Variants in CCDC171 observed in about 807,000 individuals in gnomAD.
CCDC171 encodes the protein coiled-coil domain containing 171.
CCDC171 carries 177 observed loss-of-function variants against 168.2 expected under a neutral mutation model. The observed-to-expected ratio is 1.05, with a 90% CI of 0.93 to 1.19. CCDC171 has a LOEUF of 1.19. Ranked by LOEUF, CCDC171 falls within the 50% of genes most tolerant of loss-of-function variation. The probability of loss-of-function intolerance (pLI) is 0.00; values close to 1 mark genes in which losing one functional copy is unlikely to be tolerated. For missense variants in CCDC171, 1,991 were observed against 1,539.0 expected (o/e 1.29, Z -4.91); for synonymous variants, 687 against 540.8 (o/e 1.27, Z -3.75).
chr9:15,713,745 T>G (rs1344100672), intron 11 of CCDC171, among the ~76,000 whole-genome samples: 5 of 152,036 alleles, frequency 3.3e-5, no homozygotes, highest in African/African-American at 1.2e-4. Flanking sequence ...ACATCTTGAA[T>G]TTGAGTAGTT....
At chr9:15,852,923 T>C (rs115275654) in intron 23 of CCDC171, among the ~76,000 whole-genome samples, 2,027 of 151,800 alleles carry the variant, frequency 0.013, 54 homozygotes, top group African/African-American at 0.046. Flanking sequence ...TTCTGGACTC[T>C]CAATTCTGTT....
rs2053704881 is a variant in CCDC171 at position 15,724,985 on chromosome 9, T to C, written c.1692+9T>C. 1.2e-6 allele frequency: 2 copies of C among 1,602,164 alleles called. No homozygotes were observed. The highest frequency in any genetic ancestry group is 1.7e-6 in the Non-Finnish European group (2 of 1,169,366). On this transcript the variant is annotated intron_variant, in intron 14 of 25. Coordinates refer to ENST00000380701, the MANE Select transcript of CCDC171 (RefSeq NM_173550.4). ...TCCATAAGGATGCAGAGGTATTACC[T>C]GAGACTCAATGACTGTCAGGAAGGG... is the stretch of plus-strand genomic sequence containing the variant.
chr9:15,590,833 CTTCTTCTTTCTTTCTTTCTTTT>C (rs2041954808), intron 4 of CCDC171, among the ~76,000 whole-genome samples: 1 of 88,640 alleles, frequency 1.1e-5, no homozygotes, highest in African/African-American at 4.7e-5. Context: ...TTCTTTCTTT[CTTCTTCTTTCTTTCTTTCTTTT>C]TTCTTTCTTT....
chr9:15,742,141 A>G (rs747193464), intron 16 of CCDC171, among the ~76,000 whole-genome samples: 30 of 152,020 alleles, frequency 2.0e-4, no homozygotes, highest in Admixed American at 3.9e-4. Context: ...AACCTTTGTG[A>G]TGTCCATTTG....
chr9:16,070,719 T>C, the CCDC171 span, among the ~76,000 whole-genome samples: 3 of 152,210 alleles, frequency 2.0e-5, no homozygotes, highest in Non-Finnish European at 2.9e-5. Context: ...GCCTCTATTT[T>C]GGCCTTTGCA....
chr9:16,037,509 C>T (rs563729228), intron 8 of CCDC171, among the ~76,000 whole-genome samples: 6 of 152,068 alleles, frequency 3.9e-5, no homozygotes, highest in East Asian at 1.9e-4. Context: ...GAATACAGAG[C>T]GAGATCAGAT....
intron 21 of CCDC171, among the ~76,000 whole-genome samples, chr9:15,832,213 A>G (rs2060263806): frequency 6.6e-6 from 1 of 152,196 alleles, no homozygotes; most frequent in African/African-American, 2.4e-5. Context: ...GGACATTCAA[A>G]TGGTGAGATA....
intron 23 of CCDC171, among the ~76,000 whole-genome samples, chr9:15,854,025 G>T (rs1243019275): frequency 3.4e-5 from 5 of 147,824 alleles, no homozygotes; most frequent in African/African-American, 7.5e-5. Context: ...TTTTTTGAGG[G>T]TTATTGCATC....
chr9:15,635,151 C>T (rs1240715078), intron 7 of CCDC171, among the ~76,000 whole-genome samples: 1 of 152,098 alleles, frequency 6.6e-6, no homozygotes, highest in African/African-American at 2.4e-5. Flanking sequence ...TACACTATCA[C>T]AAGTTGAAGT....
intron 11 of CCDC171, among the ~76,000 whole-genome samples, chr9:15,704,762 G>C (rs1485286095): frequency 6.6e-6 from 1 of 152,118 alleles, no homozygotes; most frequent in African/African-American, 2.4e-5. Context: ...TGAAATTTCA[G>C]TAAGTCCAAG....
Position 15,601,622 on chromosome 9 carries a change from G to A in CCDC171, c.675+7450G>A, listed in dbSNP as rs79280449. On this transcript the variant is annotated intron_variant, in intron 6 of 25. Coordinates refer to ENST00000380701, the MANE Select transcript of CCDC171 (RefSeq NM_173550.4). ...TTTCTGTCCTCGAAGATATTTCAGC[G>A]CAGAGACATGTAAAGGGAGAAAATA... Among the ~76,000 whole-genome samples, 231 of 152,206 alleles carry A rather than the reference G, an allele frequency of 1.5e-3. 1 individual carries two copies. Among genetic ancestry groups the A allele is most frequent in the African/African-American group, 4.8e-3 (201 of 41,516 alleles).
chr9:15,661,358 A>T (rs1035372364), intron 8 of CCDC171, among the ~76,000 whole-genome samples: 1 of 152,090 alleles, frequency 6.6e-6, no homozygotes, highest in African/African-American at 2.4e-5. Flanking sequence ...TTCATGAAAA[A>T]AATGTAATTT....
intron 18 of CCDC171, among the ~76,000 whole-genome samples, chr9:15,759,254 A>T (rs1201594199): frequency 6.6e-6 from 1 of 152,176 alleles, no homozygotes; most frequent in African/African-American, 2.4e-5. Context: ...CAAGTACATA[A>T]CAAAGAACTT....
At chr9:15,700,067 G>A (rs1312301705) in intron 11 of CCDC171, among the ~76,000 whole-genome samples, 1 of 152,224 alleles carries the variant, frequency 6.6e-6, no homozygotes, top group Non-Finnish European at 1.5e-5. Context: ...TTGGGTGGTC[G>A]ATGGGACTGG....
At chr9:15,718,142 C>G (rs535706544) in intron 11 of CCDC171, among the ~76,000 whole-genome samples, 1 of 152,264 alleles carries the variant, frequency 6.6e-6, no homozygotes, top group South Asian at 2.1e-4. Context: ...CAGCATTCAC[C>G]ACAAGCTGAC....
At chr9:15,843,955 T>C (rs1391410064) in intron 21 of CCDC171, among the ~76,000 whole-genome samples, 2 of 152,146 alleles carry the variant, frequency 1.3e-5, no homozygotes, top group Non-Finnish European at 2.9e-5. Flanking sequence ...AACAACTTAA[T>C]ATCAGGTGAC....
At chr9:15,985,929 T>C (rs1174104212) in intron 3 of CCDC171, among the ~76,000 whole-genome samples, 2 of 152,214 alleles carry the variant, frequency 1.3e-5, no homozygotes, top group Non-Finnish European at 2.9e-5. Flanking sequence ...GGTTAATCAA[T>C]GGAGAATTTG....
At chr9:15,722,981 A>G (rs1299998251) in intron 12 of CCDC171, among the ~76,000 whole-genome samples, 8 of 152,142 alleles carry the variant, frequency 5.3e-5, no homozygotes, top group Admixed American at 4.6e-4. Flanking sequence ...ATTTGGGAGG[A>G]TGAATGTCAC....
chr9:15,615,799 G>C (rs1221226676), intron 6 of CCDC171, among the ~76,000 whole-genome samples: 1 of 145,856 alleles, frequency 6.9e-6, no homozygotes, highest in African/African-American at 2.5e-5. Context: ...TTTTTCTTCA[G>C]ACAGGGTCTC....
Sources: gnomAD v4.1 joint callset for allele counts (sites outside exome capture counted in the v4.1 genomes callset) on GRCh38, gnomAD v4.1.1 for gene constraint, MANE v1.5 for transcripts, NCBI Gene and HGNC (gene_info 2026-07-23, HGNC 2026-07-21) for gene names.